Variants in FSTL4 observed in about 807,000 individuals in gnomAD.
FSTL4 encodes the protein follistatin-related protein 4.
In FSTL4, 28 loss-of-function variants were observed where a neutral mutation model predicts 78.2. The observed-to-expected ratio is 0.36, with a 90% CI of 0.27 to 0.49. The LOEUF is 0.49. Ranked by LOEUF, FSTL4 falls within the 20% of genes least tolerant of loss-of-function variation. FSTL4 has a pLI of 0.98. For synonymous variants in FSTL4, 422 were observed against 440.5 expected (o/e 0.96, Z 0.53); for missense variants, 922 against 1,084.9 (o/e 0.85, Z 2.11).
chr5:133,390,596 G>C (rs1488588275), intron 4 of FSTL4, among the ~76,000 whole-genome samples: 1 of 152,236 alleles, frequency 6.6e-6, no homozygotes. Context: ...CTGTCCCTCA[G>C]TTCTCCTGGC....
chr5:133,491,313 G>A (rs1758262080), intron 3 of FSTL4, among the ~76,000 whole-genome samples: 1 of 151,344 alleles, frequency 6.6e-6, no homozygotes. Context: ...CCAGTGAATT[G>A]TTTCTTTTGT....
chr5:133,419,999 C>T lies in FSTL4; in HGVS notation c.161-19013G>A, dbSNP rs116018054. ...ATTCATAGTAGTTCCCAAATGGAAA[C>T]GAACCTAATGTACATTAACAGGAAT... On this transcript the variant is annotated intron_variant, in intron 3 of 15. Coordinates refer to ENST00000265342, the MANE Select transcript of FSTL4 (RefSeq NM_015082.2). Among the ~76,000 whole-genome samples the T allele has an allele frequency of 6.1e-3, 931 of 152,188 alleles. 8 individuals are homozygous for T. Among genetic ancestry groups the T allele is most frequent in the African/African-American group, 0.02 (824 of 41,520 alleles).
At chr5:133,475,417 T>TTCCC (rs1394124180) in intron 3 of FSTL4, among the ~76,000 whole-genome samples, 13 of 152,354 alleles carry the variant, frequency 8.5e-5, no homozygotes, top group African/African-American at 2.4e-4. Flanking sequence ...GCCTTCCCTG[T>TTCCC]TCCCTGTACC....
chr5:133,295,682 C>A (rs1391341713), intron 6 of FSTL4, among the ~76,000 whole-genome samples: 2 of 152,208 alleles, frequency 1.3e-5, no homozygotes, highest in African/African-American at 2.4e-5. Flanking sequence ...AGTCTCTTTT[C>A]TTTGTCCTCA....
chr5:133,307,735 G>T (rs1457252615), intron 6 of FSTL4, among the ~76,000 whole-genome samples: 2 of 151,376 alleles, frequency 1.3e-5, no homozygotes, highest in East Asian at 3.9e-4. Flanking sequence ...CCCCAACTCT[G>T]TCTCTGGGAG....
At chr5:133,311,951 A>G (rs574768161) in intron 6 of FSTL4, among the ~76,000 whole-genome samples, 2 of 152,160 alleles carry the variant, frequency 1.3e-5, no homozygotes, top group Admixed American at 1.3e-4. Context: ...CCCTGCCTGG[A>G]GCTACGAATG....
chr5:133,329,504 C>G (rs1021539328), intron 4 of FSTL4, among the ~76,000 whole-genome samples: 1 of 152,082 alleles, frequency 6.6e-6, no homozygotes, highest in East Asian at 1.9e-4. Flanking sequence ...AGCTGAGGAG[C>G]AAGGAGAGCC....
chr5:133,620,035 T>C, the FSTL4 span, among the ~76,000 whole-genome samples: 12 of 152,222 alleles, frequency 7.9e-5, no homozygotes, highest in Admixed American at 7.9e-4. Context: ...TTTAATTAAA[T>C]GAAATAAAGC....
At chr5:133,556,580 A>T (rs535921318) in intron 3 of FSTL4, among the ~76,000 whole-genome samples, 3 of 152,270 alleles carry the variant, frequency 2.0e-5, no homozygotes, top group South Asian at 4.1e-4. Context: ...TACAAAAATT[A>T]TCTGGGCGTG....
intron 4 of FSTL4, among the ~76,000 whole-genome samples, chr5:133,397,681 C>G (rs1172100451): frequency 6.6e-6 from 1 of 152,132 alleles, no homozygotes; most frequent in Non-Finnish European, 1.5e-5. Flanking sequence ...CAGACGGGAG[C>G]TCTGAACTGT....
At chr5:133,485,325 TCA>T (rs1758110033) in intron 3 of FSTL4, among the ~76,000 whole-genome samples, 1 of 152,124 alleles carries the variant, frequency 6.6e-6, no homozygotes, top group South Asian at 2.1e-4. Flanking sequence ...GCCTGGAGAC[TCA>T]CAGAGAAAGC....
the FSTL4 span, among the ~76,000 whole-genome samples, chr5:133,719,519 A>G: frequency 6.6e-6 from 1 of 151,912 alleles, no homozygotes. Context: ...AAAATACAAA[A>G]AAAATTAGCC....
chr5:133,303,877 T>C (rs1753602751), intron 6 of FSTL4, among the ~76,000 whole-genome samples: 1 of 152,150 alleles, frequency 6.6e-6, no homozygotes, highest in Non-Finnish European at 1.5e-5. Context: ...ACCTCAGAGC[T>C]CACACCACCC....
chr5:133,477,386 T>C (rs1419203984), intron 3 of FSTL4, among the ~76,000 whole-genome samples: 9 of 152,228 alleles, frequency 5.9e-5, no homozygotes, highest in Non-Finnish European at 8.8e-5. Context: ...TTTAGGTCTT[T>C]TCAATAGACT....
chr5:133,468,815 G>T (rs1757762152), intron 3 of FSTL4, among the ~76,000 whole-genome samples: 1 of 152,132 alleles, frequency 6.6e-6, no homozygotes. Flanking sequence ...AGCTCAGTGC[G>T]GGAAACAGAC....
At chr5:133,362,488 C>G (rs565736754) in intron 4 of FSTL4, among the ~76,000 whole-genome samples, 2 of 151,978 alleles carry the variant, frequency 1.3e-5, no homozygotes, top group Admixed American at 1.3e-4. Context: ...GCAGGAGGAG[C>G]CTTTGTTCAC....
chr5:133,209,601 G>T (rs1482381484), intron 14 of FSTL4, among the ~76,000 whole-genome samples: 1 of 152,136 alleles, frequency 6.6e-6, no homozygotes. Flanking sequence ...CTCAAGTCAG[G>T]GTTGCTATTG....
the FSTL4 span, among the ~76,000 whole-genome samples, chr5:133,837,720 C>T: frequency 6.6e-6 from 1 of 152,104 alleles, no homozygotes; most frequent in South Asian, 2.1e-4. Context: ...CACAATTTTC[C>T]CCTGAAGTCC....
the FSTL4 span, among the ~76,000 whole-genome samples, chr5:133,706,327 C>T: frequency 6.6e-6 from 1 of 152,278 alleles, no homozygotes; most frequent in East Asian, 1.9e-4. Flanking sequence ...TTGTATATCA[C>T]CATTATGATC....
Sources: gnomAD v4.1 joint callset for allele counts (sites outside exome capture counted in the v4.1 genomes callset) on GRCh38, gnomAD v4.1.1 for gene constraint, MANE v1.5 for transcripts, NCBI Gene and HGNC (gene_info 2026-07-23, HGNC 2026-07-21) for gene names.